Variants in PDGFC observed in about 807,000 individuals in gnomAD.
PDGFC encodes the protein platelet-derived growth factor C.
A neutral mutation model predicts 35.5 loss-of-function variants in PDGFC; 12 were observed. The ratio of observed to expected loss-of-function variants is 0.34; its 90% CI spans 0.22 to 0.55. PDGFC has a LOEUF of 0.55. Ranked by LOEUF, PDGFC falls within the 20% of genes least tolerant of loss-of-function variation. PDGFC has a pLI of 0.91. For synonymous variants in PDGFC, 159 were observed against 148.8 expected (o/e 1.07, Z -0.50); for missense variants, 322 against 412.4 (o/e 0.78, Z 1.90).
intron 1 of PDGFC, among the ~76,000 whole-genome samples, chr4:156,941,218 C>G (rs924397880): frequency 1.3e-5 from 2 of 152,110 alleles, no homozygotes; most frequent in African/African-American, 4.8e-5. Flanking sequence ...AGATAGAGAT[C>G]TGTGAGGTAA....
rs370299890 is a variant in PDGFC at position 156,895,368 on chromosome 4, C to T, written c.119-44952G>A. Among the ~76,000 whole-genome samples, 256 of 152,268 alleles carry T rather than the reference C, an allele frequency of 1.7e-3. 1 individual carries two copies. The highest frequency in any genetic ancestry group is 5.7e-3 in the African/African-American group (237 of 41,544). On this transcript the variant is annotated intron_variant, in intron 1 of 5. Coordinates refer to ENST00000502773, the MANE Select transcript of PDGFC (RefSeq NM_016205.3). ...AGTGGGTGTCAGCTGGGAGCAGTGG[C>T]TCATACCTGTAATCCCAGCACTTTG... is the stretch of plus-strand genomic sequence containing the variant.
chr4:156,806,412 A>C (rs1008355984), intron 3 of PDGFC, among the ~76,000 whole-genome samples: 6 of 152,120 alleles, frequency 3.9e-5, no homozygotes, highest in African/African-American at 1.4e-4. Flanking sequence ...TTTGGATCAG[A>C]AACCTTAGAC....
intron 3 of PDGFC, among the ~76,000 whole-genome samples, chr4:156,787,542 A>G (rs1437479602): frequency 6.6e-6 from 1 of 152,190 alleles, no homozygotes; most frequent in Non-Finnish European, 1.5e-5. Flanking sequence ...CATGCGTGGT[A>G]GCTGGATGAC....
chr4:156,855,388 T>C (rs1729549989), intron 1 of PDGFC, among the ~76,000 whole-genome samples: 1 of 152,202 alleles, frequency 6.6e-6, no homozygotes, highest in Non-Finnish European at 1.5e-5. Flanking sequence ...TTTAAGTTGA[T>C]TTTAGCAGAA....
At chr4:156,814,870 C>A (rs1340531097) in intron 2 of PDGFC, among the ~76,000 whole-genome samples, 1 of 152,086 alleles carries the variant, frequency 6.6e-6, no homozygotes, top group East Asian at 1.9e-4. Context: ...ACAAAATCCA[C>A]TGTCCTGTAA....
At chr4:156,841,784 G>A (rs1236851672) in intron 2 of PDGFC, among the ~76,000 whole-genome samples, 1 of 152,010 alleles carries the variant, frequency 6.6e-6, no homozygotes, top group Non-Finnish European at 1.5e-5. Flanking sequence ...AGGATTACAG[G>A]CATGAGCCAC....
chr4:156,811,287 T>C (rs140156778), intron 2 of PDGFC, among the ~76,000 whole-genome samples: 126 of 152,198 alleles, frequency 8.3e-4, no homozygotes, highest in African/African-American at 2.8e-3. Context: ...CTTAAACATT[T>C]TGTAAGGAGC....
At chr4:156,855,871 C>G (rs1172623692) in intron 1 of PDGFC, among the ~76,000 whole-genome samples, 1 of 152,084 alleles carries the variant, frequency 6.6e-6, no homozygotes, top group African/African-American at 2.4e-5. Context: ...TTCACTGGCT[C>G]CATGAGCTGG....
chr4:156,949,000 G>A (rs913566275), intron 1 of PDGFC, among the ~76,000 whole-genome samples: 4 of 151,886 alleles, frequency 2.6e-5, no homozygotes, highest in South Asian at 2.1e-4. Flanking sequence ...GTCCTGTGCT[G>A]CTGAAATATG....
chr4:156,776,345 A>T (rs1237206315), intron 3 of PDGFC, among the ~76,000 whole-genome samples: 1 of 152,190 alleles, frequency 6.6e-6, no homozygotes, highest in Non-Finnish European at 1.5e-5. Flanking sequence ...TATGTCTTTT[A>T]TTCTTCATAA....
At chr4:156,814,758 T>C (rs1376563545) in intron 2 of PDGFC, among the ~76,000 whole-genome samples, 1 of 152,160 alleles carries the variant, frequency 6.6e-6, no homozygotes, top group African/African-American at 2.4e-5. Context: ...AAAAGTATTT[T>C]AAAAAGGGCT....
At chr4:156,895,634 A>G (rs550253536) in intron 1 of PDGFC, among the ~76,000 whole-genome samples, 17 of 144,684 alleles carry the variant, frequency 1.2e-4, no homozygotes, top group African/African-American at 2.5e-4. Context: ...TCTGTCTCAG[A>G]AAAAAAAAAA....
At chr4:156,861,649 G>T (rs998413828) in intron 1 of PDGFC, among the ~76,000 whole-genome samples, 2 of 152,010 alleles carry the variant, frequency 1.3e-5, no homozygotes, top group Non-Finnish European at 2.9e-5. Flanking sequence ...GTCAGTCAAT[G>T]AACTTTTATT....
At position 156,772,733 on chromosome 4, in the gene PDGFC, G is replaced by T; in HGVS notation, c.656C>A (p.Thr219Asn). The T allele has an allele frequency of 1.9e-6, 3 of 1,613,564 alleles. No individual in the cohort carries two copies. Among genetic ancestry groups the T allele is most frequent in the Non-Finnish European group, 2.5e-6 (3 of 1,179,662 alleles). Residue 219 changes from threonine (T) to asparagine (N), a missense_variant, in exon 4 of 6, where the codon ACT becomes AAT. Transcript: ENST00000502773. ...QLDLEDLYRP[T>N]WQLLGKAFVF... Reference sequence around the variant, plus strand: ...AAAAGCCTTGCCAAGAAGTTGCCAAGTTGGCCTATATAGATCTTCTAAGTC... The same window carrying T: ...AAAAGCCTTGCCAAGAAGTTGCCAATTTGGCCTATATAGATCTTCTAAGTC...
intron 1 of PDGFC, among the ~76,000 whole-genome samples, chr4:156,858,755 T>C (rs1579059957): frequency 2.0e-5 from 3 of 152,140 alleles, no homozygotes; most frequent in Non-Finnish European, 4.4e-5. Context: ...TGGCAAAAAC[T>C]GGCTAACGTG....
At chr4:156,794,013 G>GT (rs1731372592) in intron 3 of PDGFC, among the ~76,000 whole-genome samples, 1 of 152,114 alleles carries the variant, frequency 6.6e-6, no homozygotes, top group African/African-American at 2.4e-5. Context: ...TCTTAGAAGA[G>GT]TAAGTACTAC....
chr4:156,965,225 T>TA (rs113641546), intron 1 of PDGFC, among the ~76,000 whole-genome samples: 1 of 152,282 alleles, frequency 6.6e-6, no homozygotes, highest in African/African-American at 2.4e-5. Flanking sequence ...GGCCTGTTGT[T>TA]AGAGTTAACA....
At chr4:156,807,067 C>T (rs766390227) in intron 3 of PDGFC, among the ~76,000 whole-genome samples, 6 of 151,030 alleles carry the variant, frequency 4.0e-5, no homozygotes, top group Non-Finnish European at 7.4e-5. Flanking sequence ...AAGACATTAA[C>T]TCCTTAGGCA....
At chr4:156,962,591 G>A (rs1732368240) in intron 1 of PDGFC, among the ~76,000 whole-genome samples, 1 of 152,146 alleles carries the variant, frequency 6.6e-6, no homozygotes, top group South Asian at 2.1e-4. Context: ...TTAGCAAAGA[G>A]CAGATGCTCA....
Sources: allele counts gnomAD v4.1 joint callset (sites outside exome capture counted in the v4.1 genomes callset), GRCh38; gene constraint gnomAD v4.1.1; transcripts MANE v1.5; gene names NCBI Gene and HGNC (gene_info 2026-07-23, HGNC 2026-07-21).